FCRL5: variants seen among roughly 807,000 people sequenced by gnomAD.
FCRL5 encodes the protein Fc receptor-like protein 5.
A neutral mutation model predicts 92.1 loss-of-function variants in FCRL5; 79 were observed. The ratio of observed to expected loss-of-function variants is 0.86; its 90% confidence interval spans 0.72 to 1.03. The LOEUF is 1.03. FCRL5 is among the 50% of genes least tolerant of loss of function. The probability of loss-of-function intolerance (pLI) is 0.00; values close to 1 mark genes in which losing one functional copy is unlikely to be tolerated. For synonymous variants in FCRL5, 466 were observed against 469.3 expected (o/e 0.99, Z 0.09); for missense variants, 1,160 against 1,181.1 (o/e 0.98, Z 0.26).
chr1:157,520,598 C>T (rs752765065), intron 11 of FCRL5, 51 bp from the exon 12 acceptor site: 2 of 1,422,668 alleles, frequency 1.4e-6, no homozygotes, highest in African/African-American at 1.4e-5. Flanking sequence ...TGGTCTGGAA[C>T]TGCCCGCTCC....
rs561306695 is a variant in FCRL5, at chr1:157,546,883, T to C, written c.307+60A>G. The C allele has an allele frequency of 1.2e-5, 19 of 1,575,816 alleles. No homozygotes were observed. In the East Asian group the frequency reaches 2.2e-4, roughly 19 times the overall value. On this transcript the variant is annotated intron_variant, in intron 3 of 16. Transcript: ENST00000361835. ...GTCTGAGGTAAACAGTAATAACAGC[T>C]AGAGAGAAACATGGGCTGAATTGAT...
At chr1:157,533,245 G>C (rs1423661692) in intron 8 of FCRL5, 1 of 151,866 alleles carries the variant, frequency 6.6e-6, no homozygotes, top group Non-Finnish European at 1.5e-5. Context: ...TTACTCTTCG[G>C]TTCAATTTTC....
At chr1:157,546,284 C>T (rs1158757936) in intron 3 of FCRL5, 6 of 452,820 alleles carry the variant, frequency 1.3e-5, no homozygotes, top group South Asian at 3.1e-5. Flanking sequence ...CCCATCTCTG[C>T]TAAGAATACA....
At chr1:157,516,120 G>A (rs1649921882) in intron 15 of FCRL5, 1 of 596,368 alleles carries the variant, frequency 1.7e-6, no homozygotes, top group African/African-American at 1.9e-5. Context: ...CTGCCTAGAG[G>A]CCCTCAAGAG....
intron 7 of FCRL5, 41 bp downstream of exon 7, chr1:157,539,045 C>G (rs1224081746): frequency 1.2e-5 from 19 of 1,597,538 alleles, no homozygotes; most frequent in Non-Finnish European, 1.6e-5. Flanking sequence ...AGAGAGGACT[C>G]TTGGCCAGGG....
chr1:157,518,707 G>A lies in FCRL5; in HGVS notation c.2736C>T (p.Tyr912=). Residue 912 remains tyrosine (Y), a synonymous_variant, in exon 14 of 17, where the codon TAC becomes TAT. Coordinates refer to ENST00000361835, the MANE Select transcript of FCRL5 (RefSeq NM_031281.3). ...VPAWEELQPV[Y]TNANPRGENV... is the part of the protein sequence containing the mutation. ...AGGATCCTCGGGCCTCACCATTAGT[G>A]TACACTGGTTGCAGCTCTTCCCAGG... 1 of 1,612,636 alleles carries A rather than the reference G, an allele frequency of 6.2e-7. No individual in the cohort carries two copies. Among genetic ancestry groups the A allele is most frequent in the Non-Finnish European group, 8.5e-7 (1 of 1,179,552 alleles).
At chr1:157,547,484 G>C (rs779269828) in intron 2 of FCRL5, 5 of 565,408 alleles carry the variant, frequency 8.8e-6, no homozygotes, top group Non-Finnish European at 1.6e-5. Context: ...GTGGGTCCCA[G>C]AGAAAATCAA....
rs78020907 is a variant in FCRL5 at position 157,520,915 on chromosome 1, G to T, written c.2515+102C>A. ...AGAGAGCTGCCAGCTGTGTTACTTC[G>T]CCCTGAGGAGTGCCTTTCTGATCAA... On this transcript the variant is annotated intron_variant, in intron 11 of 16. Coordinates refer to ENST00000361835, the MANE Select transcript of FCRL5 (RefSeq NM_031281.3). 4.7e-3 allele frequency: 6,200 copies of T among 1,323,778 alleles called. 213 individuals carry two copies. The African/African-American group carries it at 0.076, about 16-fold the overall frequency. The allele number at this position is 1,323,778 out of a possible 1,614,324, so 82.0% of individuals were successfully genotyped here.
intron 1 of FCRL5, 88 bp downstream of exon 1, chr1:157,552,244 G>A: frequency 7.6e-7 from 1 of 1,316,476 alleles, no homozygotes; most frequent in East Asian, 2.3e-5. Flanking sequence ...CTCAGCAGGG[G>A]CTGAGCCCCA....
chr1:157,545,044 C>T lies in FCRL5; in HGVS notation c.346G>A (p.Gly116Arg), dbSNP rs537501798. 1 of 1,612,906 alleles carries T rather than the reference C, an allele frequency of 6.2e-7. No individual in the cohort carries two copies. The highest frequency in any genetic ancestry group is 1.3e-5 in the African/African-American group (1 of 74,988). ...ILQAPLSVFE[G>R]DSVVLRCRAK... is the part of the protein sequence containing the mutation. ...CGGCACCTCAGAACCACAGAGTCTCCTTCAAACACAGAAAGTGGAGCTTGC... is the reference window on the plus strand; with the variant it reads ...CGGCACCTCAGAACCACAGAGTCTCTTTCAAACACAGAAAGTGGAGCTTGC... The change falls in exon 4 of 17, where the codon GGA becomes AGA. Residue 116 changes from glycine to arginine, a missense_variant. Physicochemically the swap from Gly to Arg is moderately radical, Grantham distance 125 (BLOSUM62 -2). Coordinates refer to ENST00000361835, the MANE Select transcript of FCRL5 (RefSeq NM_031281.3).
At position 157,549,560 on chromosome 1, in the gene FCRL5, CA is replaced by C; in HGVS notation, c.51del (p.Phe17LeufsTer24). 1 of 1,612,100 alleles carries C rather than the reference CA, an allele frequency of 6.2e-7. No homozygotes were observed. ...AAGAGCCAAAGACAGGAGAACTCAC[CA>C]AACTGTCCACTGACAGGAGCTGCAA... is the stretch of plus-strand genomic sequence containing the variant. Reference protein sequence around the residue: ...LLVLAPVSGQFARTPRPIIFL... With the variant: ...LLVLAPVSGQXARTPRPIIFL... On this transcript the variant is annotated frameshift_variant and splice_region_variant, in exon 2 of 17. Transcript: ENST00000361835. LOFTEE classifies it high-confidence loss of function.
rs2101603766 is a variant in FCRL5 at position 157,524,319 on chromosome 1, C to T, written c.2199G>A (p.Leu733=). The T allele has an allele frequency of 6.2e-7, 1 of 1,614,288 alleles. No individual in the cohort carries two copies. Among genetic ancestry groups the T allele is most frequent in the South Asian group, 1.1e-5 (1 of 91,088 alleles). The change falls in exon 10 of 17, where the codon CTG becomes CTA. Residue 733 remains leucine (L), a synonymous_variant. Transcript: ENST00000361835. ...TCACCATCTCACTGCGCTGGGCCTC[C>T]AGACCATTGTCTGCCTCACAGGAGT... ...GIYSCEADNG[L]EAQRSEMVTL... is the part of the protein sequence containing the mutation.
At chr1:157,531,020 C>A (rs930922032) in intron 8 of FCRL5, among the ~76,000 whole-genome samples, 4 of 152,018 alleles carry the variant, frequency 2.6e-5, no homozygotes, top group African/African-American at 9.7e-5. Context: ...GCAAAGGAAA[C>A]AATTAACAGA....
chr1:157,551,260 C>G (rs1651796850), intron 1 of FCRL5, among the ~76,000 whole-genome samples: 1 of 152,184 alleles, frequency 6.6e-6, no homozygotes, highest in Non-Finnish European at 1.5e-5. Context: ...ATGTTATAAA[C>G]TTTGCCCTCT....
intron 14 of FCRL5, 79 bp from the exon 15 acceptor site, chr1:157,518,576 A>T (rs1650035078): frequency 1.3e-6 from 2 of 1,484,064 alleles, no homozygotes; most frequent in Non-Finnish European, 1.9e-6. Context: ...CCCCAGCCAG[A>T]GTCTCTTTTC....
chr1:157,537,098 A>G (rs1425469597), intron 7 of FCRL5, among the ~76,000 whole-genome samples: 1 of 152,222 alleles, frequency 6.6e-6, no homozygotes, highest in Non-Finnish European at 1.5e-5. Flanking sequence ...AAATCTGGGC[A>G]CCTTGAAAAA....
intron 10 of FCRL5, among the ~76,000 whole-genome samples, chr1:157,523,195 C>T (rs990007669): frequency 1.3e-5 from 2 of 152,200 alleles, no homozygotes; most frequent in East Asian, 3.8e-4. Flanking sequence ...ATAAGAGCAT[C>T]AGTGTATATT....
At chr1:157,551,753 C>T (rs535422394) in intron 1 of FCRL5, among the ~76,000 whole-genome samples, 19 of 152,340 alleles carry the variant, frequency 1.2e-4, no homozygotes, top group Non-Finnish European at 2.4e-4. Context: ...TAGAGACTTA[C>T]GTACACCCAC....
intron 6 of FCRL5, 59 bp from the exon 7 acceptor site, chr1:157,539,423 A>G: frequency 6.8e-7 from 1 of 1,477,470 alleles, no homozygotes; most frequent in Non-Finnish European, 9.1e-7. Context: ...AGTTTTCATA[A>G]AAGGAAAATA....
Sources: allele counts gnomAD v4.1 joint callset (sites outside exome capture counted in the v4.1 genomes callset), GRCh38; gene constraint gnomAD v4.1.1; transcripts MANE v1.5; gene names NCBI Gene and HGNC (gene_info 2026-07-23, HGNC 2026-07-21).